The following RTL4 variants were observed in gnomAD, a reference collection of about 807,000 sequenced individuals.
RTL4 encodes retrotransposon Gag like 4, also known as retrotransposon Gag-like protein 4.
RTL4 carries 4 observed loss-of-function variants against 5.3 expected under a neutral mutation model. The ratio of observed to expected loss-of-function variants is 0.75; its 90% CI spans 0.37 to 1.72. RTL4 has a LOEUF of 1.72. Ranked by LOEUF, RTL4 falls within the 40% of genes most tolerant of loss-of-function variation. The probability of loss-of-function intolerance (pLI) is 0.04; values close to 1 mark genes in which losing one functional copy is unlikely to be tolerated. For synonymous variants in RTL4, 98 were observed against 87.3 expected, an observed-to-expected ratio of 1.12 and a Z score of -0.68; for missense variants, 260 against 227.1, an observed-to-expected ratio of 1.14 and a Z score of -0.93.
the RTL4 span, among the ~76,000 whole-genome samples, chrX:112,420,089 T>C: frequency 9.1e-6 from 1 of 110,024 alleles, no homozygotes. Flanking sequence ...CTAAGAGAGG[T>C]TTAGAAATGG....
the RTL4 span, among the ~76,000 whole-genome samples, chrX:112,327,116 A>T: frequency 1.8e-5 from 2 of 112,542 alleles, no homozygotes; most frequent in Non-Finnish European, 3.8e-5. Flanking sequence ...CCTCCAAAGG[A>T]ACGCAGTTCC....
At chrX:112,214,451 C>G in the RTL4 span, among the ~76,000 whole-genome samples, 17 of 112,170 alleles carry the variant, frequency 1.5e-4, no homozygotes, top group Non-Finnish European at 1.9e-5. Context: ...GTCTTGGCTA[C>G]TAGGAATAAT....
At chrX:112,236,370 T>C in the RTL4 span, among the ~76,000 whole-genome samples, 1 of 96,822 alleles carries the variant, frequency 1.0e-5, no homozygotes, top group African/African-American at 3.7e-5. Context: ...CATTGTACAG[T>C]GCCTGCTCCT....
the RTL4 span, among the ~76,000 whole-genome samples, chrX:112,320,864 T>G: frequency 8.9e-6 from 1 of 112,116 alleles, no homozygotes; most frequent in Non-Finnish European, 1.9e-5. Context: ...TTTATCTGTC[T>G]TTAAACATTT....
At chrX:112,177,129 A>G in the RTL4 span, among the ~76,000 whole-genome samples, 1 of 110,570 alleles carries the variant, frequency 9.0e-6, no homozygotes, top group Non-Finnish European at 1.9e-5. Context: ...TTCCATTGTG[A>G]ATAGTTCTGC....
chrX:112,250,516 C>T, the RTL4 span, among the ~76,000 whole-genome samples: 47 of 111,428 alleles, frequency 4.2e-4, no homozygotes, highest in African/African-American at 1.5e-3. Context: ...TGTGTCACTG[C>T]TCTAAGTGTA....
chrX:112,144,808 G>A, the RTL4 span, among the ~76,000 whole-genome samples: 1 of 111,311 alleles, frequency 9.0e-6, no homozygotes, highest in East Asian at 2.8e-4. Flanking sequence ...ATAACAAATG[G>A]AAAAGGTGAA....
chrX:112,193,523 A>C, the RTL4 span, among the ~76,000 whole-genome samples: 1 of 111,508 alleles, frequency 9.0e-6, no homozygotes, highest in East Asian at 2.8e-4. Context: ...TCAACAGTTT[A>C]TTATAAAGTA....
At chrX:112,186,859 C>T in the RTL4 span, among the ~76,000 whole-genome samples, 6 of 112,200 alleles carry the variant, frequency 5.3e-5, no homozygotes, top group Admixed American at 4.7e-4. Flanking sequence ...CTTTGTGTCC[C>T]AGGAGGCTGA....
the RTL4 span, among the ~76,000 whole-genome samples, chrX:112,196,053 T>A: frequency 1.8e-5 from 2 of 111,536 alleles, no homozygotes; most frequent in Non-Finnish European, 3.8e-5. Context: ...ACAACCAGGA[T>A]ATTGATAGGG....
At chrX:112,144,688 T>G in the RTL4 span, among the ~76,000 whole-genome samples, 2 of 111,637 alleles carry the variant, frequency 1.8e-5, no homozygotes, top group East Asian at 2.8e-4. Flanking sequence ...TATGAGTGTC[T>G]CTTAATATCC....
the RTL4 span, among the ~76,000 whole-genome samples, chrX:112,185,706 TTCTC>T: frequency 9.2e-6 from 1 of 108,470 alleles, no homozygotes; most frequent in South Asian, 4.0e-4. Flanking sequence ...AAACTTGGCT[TTCTC>T]TATTTATTAA....
At chrX:112,451,317 T>A (rs1044570091), upstream of RTL4, among the ~76,000 whole-genome samples, 7 of 110,799 alleles carry the variant, frequency 6.3e-5, no homozygotes, top group African/African-American at 2.0e-4. Flanking sequence ...TTGGGCAACA[T>A]GTTGAAACCT....
At chrX:112,452,956 C>T (rs1182498091), upstream of RTL4, among the ~76,000 whole-genome samples, 2 of 109,400 alleles carry the variant, frequency 1.8e-5, no homozygotes, top group Middle Eastern at 4.3e-3. Context: ...CGCTTGAACC[C>T]GGCAGGCGGA....
At chrX:112,314,834 A>G in the RTL4 span, among the ~76,000 whole-genome samples, 2 of 111,088 alleles carry the variant, frequency 1.8e-5, no homozygotes, top group African/African-American at 6.5e-5. Flanking sequence ...CATGCACACT[A>G]TCTCTGACCA....
At chrX:112,157,923 T>TC in the RTL4 span, among the ~76,000 whole-genome samples, 1 of 111,906 alleles carries the variant, frequency 8.9e-6, no homozygotes, top group Non-Finnish European at 1.9e-5. Context: ...TTTGCCAGTC[T>TC]CCCCTGCTGA....
the RTL4 span, among the ~76,000 whole-genome samples, chrX:112,281,129 T>C: frequency 2.7e-5 from 3 of 111,769 alleles, no homozygotes; most frequent in African/African-American, 6.5e-5. Flanking sequence ...TTTTGTGTCC[T>C]TTGACCAACA....
the RTL4 span, among the ~76,000 whole-genome samples, chrX:112,138,708 T>TC: frequency 8.9e-6 from 1 of 111,863 alleles, no homozygotes; most frequent in Non-Finnish European, 1.9e-5. Flanking sequence ...TTTGTCAAAT[T>TC]TTAGAATTAG....
the RTL4 span, among the ~76,000 whole-genome samples, chrX:112,234,072 G>T: frequency 9.1e-6 from 1 of 110,081 alleles, no homozygotes; most frequent in Non-Finnish European, 1.9e-5. Context: ...GGTGCCTGTA[G>T]TCCCAGCTAC....
Sources: allele counts gnomAD v4.1 joint callset (sites outside exome capture counted in the v4.1 genomes callset), GRCh38; gene constraint gnomAD v4.1.1; transcripts MANE v1.5; gene names NCBI Gene and HGNC (gene_info 2026-07-23, HGNC 2026-07-21).